The following SYNPR variants were observed in gnomAD, a reference collection of about 807,000 sequenced individuals.
The protein encoded by SYNPR is synaptoporin.
In SYNPR, 23 loss-of-function variants were observed where a neutral mutation model predicts 32.9. The ratio of observed to expected loss-of-function variants is 0.70; its 90% confidence interval spans 0.50 to 0.99. The LOEUF is 0.99. Ranked by LOEUF, SYNPR falls within the 50% of genes least tolerant of loss-of-function variation. The pLI is 0.00. For missense variants in SYNPR, 318 were observed against 349.3 expected, an observed-to-expected ratio of 0.91 and a Z score of 0.71; for synonymous variants, 146 against 135.9, an observed-to-expected ratio of 1.07 and a Z score of -0.52.
chr3:63,407,474 G>A (rs543434625), intron 2 of SYNPR, among the ~76,000 whole-genome samples: 26 of 152,196 alleles, frequency 1.7e-4, no homozygotes, highest in African/African-American at 6.0e-4. Flanking sequence ...TCTTGACTTT[G>A]ATTTTATTAT....
chr3:63,291,701 T>C (rs2086740302), intron 2 of SYNPR, among the ~76,000 whole-genome samples: 1 of 152,122 alleles, frequency 6.6e-6, no homozygotes, highest in Non-Finnish European at 1.5e-5. Flanking sequence ...AAGTGCTTCA[T>C]TGGTGAAAAA....
intron 2 of SYNPR, among the ~76,000 whole-genome samples, chr3:63,466,955 A>G (rs1324955843): frequency 1.3e-5 from 2 of 152,124 alleles, no homozygotes; most frequent in Non-Finnish European, 2.9e-5. Flanking sequence ...AAACCTTGAT[A>G]TTCTATTATT....
intron 2 of SYNPR, among the ~76,000 whole-genome samples, chr3:63,370,504 C>A (rs1368750415): frequency 1.3e-5 from 2 of 152,186 alleles, no homozygotes; most frequent in East Asian, 3.8e-4. Flanking sequence ...CTGTAGATGT[C>A]TGAAAAGTGG....
At chr3:63,310,953 C>T (rs1374084760) in intron 2 of SYNPR, among the ~76,000 whole-genome samples, 1 of 152,000 alleles carries the variant, frequency 6.6e-6, no homozygotes, top group Non-Finnish European at 1.5e-5. Flanking sequence ...TCCCTGTACT[C>T]TCAGTGTGTC....
chr3:63,269,483 AG>A (rs1459532652), intron 3 of SYNPR, among the ~76,000 whole-genome samples: 2 of 152,124 alleles, frequency 1.3e-5, no homozygotes, highest in African/African-American at 4.8e-5. Context: ...ATCTCAAAAA[AG>A]GAGAAAAAAA....
At chr3:63,536,894 A>T (rs895695996) in intron 3 of SYNPR, among the ~76,000 whole-genome samples, 1 of 152,162 alleles carries the variant, frequency 6.6e-6, no homozygotes, top group African/African-American at 2.4e-5. Context: ...TTTTCAGAAT[A>T]TGCAAATACA....
intron 4 of SYNPR, among the ~76,000 whole-genome samples, chr3:63,607,191 T>C (rs73120772): frequency 6.6e-6 from 1 of 152,084 alleles, no homozygotes; most frequent in Non-Finnish European, 1.5e-5. Flanking sequence ...CTAACAAATA[T>C]GTACTGTCAA....
At chr3:63,391,029 A>G (rs1192110262) in intron 2 of SYNPR, among the ~76,000 whole-genome samples, 1 of 152,230 alleles carries the variant, frequency 6.6e-6, no homozygotes, top group African/African-American at 2.4e-5. Flanking sequence ...TGAATTAGTC[A>G]TCATCAAAAT....
intron 4 of SYNPR, among the ~76,000 whole-genome samples, chr3:63,606,731 T>C (rs1030532163): frequency 6.6e-6 from 1 of 152,088 alleles, no homozygotes; most frequent in African/African-American, 2.4e-5. Context: ...TAAAAAAACT[T>C]TTTAGTGTCT....
At chr3:63,607,243 G>A (rs1700137621) in intron 4 of SYNPR, among the ~76,000 whole-genome samples, 1 of 152,124 alleles carries the variant, frequency 6.6e-6, no homozygotes, top group African/African-American at 2.4e-5. Flanking sequence ...TCCTCTGTAA[G>A]ACCTTCCTCA....
At chr3:63,302,897 A>G (rs2086871493) in intron 2 of SYNPR, among the ~76,000 whole-genome samples, 1 of 152,030 alleles carries the variant, frequency 6.6e-6, no homozygotes, top group Non-Finnish European at 1.5e-5. Context: ...AATAGCTAGA[A>G]TAGAATAATT....
At chr3:63,368,380 G>A (rs2087752942) in intron 2 of SYNPR, among the ~76,000 whole-genome samples, 1 of 152,204 alleles carries the variant, frequency 6.6e-6, no homozygotes, top group East Asian at 1.9e-4. Context: ...TTGAATGAAA[G>A]AGGAATGTGA....
chr3:63,337,232 CAAA>C (rs67376099), intron 2 of SYNPR, among the ~76,000 whole-genome samples: 2 of 55,456 alleles, frequency 3.6e-5, no homozygotes, highest in Non-Finnish European at 3.1e-5. Context: ...ACTCTGTCTC[CAAA>C]AAAAAAAAAA....
chr3:63,509,552 T>A (rs1158185), intron 3 of SYNPR, among the ~76,000 whole-genome samples: 56,635 of 151,482 alleles, frequency 0.37, 10,766 homozygotes, highest in Non-Finnish European at 0.42. Context: ...TGATTTGGAG[T>A]TGCTAACTAA....
At chr3:63,490,061 C>T (rs1044459423) in intron 3 of SYNPR, among the ~76,000 whole-genome samples, 3 of 152,132 alleles carry the variant, frequency 2.0e-5, no homozygotes, top group Non-Finnish European at 4.4e-5. Flanking sequence ...AGAAGCTGTA[C>T]TATTTTAGAT....
At position 63,313,645 on chromosome 3, in the gene SYNPR, G is replaced by A. The variant is rs926874500; in HGVS notation, c.84+34903G>A. On this transcript the variant is annotated intron_variant, in intron 2 of 5. Transcript: ENST00000478300. ...ATATACACACACAATGAAATACTAC[G>A]CAGCCATAAAAAGGAATTAACAGAA... Among the ~76,000 whole-genome samples, 3 of 132,582 alleles carry A rather than the reference G, an allele frequency of 2.3e-5. 1 individual carries two copies. Among genetic ancestry groups the A allele is most frequent in the South Asian group, 2.4e-4 (1 of 4,124 alleles). 87.0% of individuals were successfully genotyped at this position (132,582 alleles called of 152,430 possible).
intron 2 of SYNPR, among the ~76,000 whole-genome samples, chr3:63,332,717 G>A (rs2087242832): frequency 6.6e-6 from 1 of 152,144 alleles, no homozygotes; most frequent in Non-Finnish European, 1.5e-5. Context: ...GTGAATTGAA[G>A]CCCAGAGTGG....
At chr3:63,378,500 T>G (rs1487479046) in intron 2 of SYNPR, among the ~76,000 whole-genome samples, 2 of 152,058 alleles carry the variant, frequency 1.3e-5, no homozygotes, top group African/African-American at 4.8e-5. Flanking sequence ...TCTACTGTAT[T>G]CTATTTATAT....
intron 1 of SYNPR, among the ~76,000 whole-genome samples, chr3:63,241,210 GGA>G (rs1335073246): frequency 6.6e-6 from 1 of 152,126 alleles, no homozygotes; most frequent in African/African-American, 2.4e-5. Context: ...GATGGCAAAT[GGA>G]GAGGTCAAGG....
Sources: gnomAD v4.1 joint callset for allele counts (sites outside exome capture counted in the v4.1 genomes callset) on GRCh38, gnomAD v4.1.1 for gene constraint, MANE v1.5 for transcripts, NCBI Gene and HGNC (gene_info 2026-07-23, HGNC 2026-07-21) for gene names.